Variants in FAT3 observed in about 807,000 individuals in gnomAD.
FAT3 encodes FAT atypical cadherin 3, also known as protocadherin Fat 3.
Under a neutral mutation model 310.2 loss-of-function variants are expected in FAT3, and 95 were observed. The observed-to-expected ratio is 0.31, with a 90% CI of 0.26 to 0.36. The LOEUF (loss-of-function observed/expected upper bound fraction) is 0.36, where lower values mean the gene tolerates loss of function less well. FAT3 is among the 10% of genes least tolerant of loss of function. The pLI is 1.00. For missense variants in FAT3, 5,408 were observed against 5,715.6 expected, an observed-to-expected ratio of 0.95 and a Z score of 1.74; for synonymous variants, 2,314 against 2,192.9, an observed-to-expected ratio of 1.06 and a Z score of -1.54.
intron 3 of FAT3, among the ~76,000 whole-genome samples, chr11:92,669,130 C>T (rs1943049903): frequency 6.6e-6 from 1 of 152,190 alleles, no homozygotes; most frequent in African/African-American, 2.4e-5. Flanking sequence ...TTTCATCTTA[C>T]TTGTGGTTTC....
At chr11:92,716,119 T>A (rs185241472) in intron 4 of FAT3, among the ~76,000 whole-genome samples, 34 of 152,242 alleles carry the variant, frequency 2.2e-4, no homozygotes, top group African/African-American at 7.7e-4. Context: ...AGGAGGCAGA[T>A]CGAGGTGTGA....
chr11:92,621,370 A>C (rs1340251386), intron 3 of FAT3, among the ~76,000 whole-genome samples: 3 of 152,254 alleles, frequency 2.0e-5, no homozygotes, highest in Non-Finnish European at 4.4e-5. Flanking sequence ...TTGCAAAACA[A>C]CTATTTCCAG....
chr11:92,577,031 C>A (rs928777538), intron 3 of FAT3, among the ~76,000 whole-genome samples: 1 of 152,090 alleles, frequency 6.6e-6, no homozygotes, highest in Admixed American at 6.6e-5. Context: ...ATCATTCATT[C>A]ATTCATTCAT....
In FAT3 at chr11:92,890,543, A is replaced by G. The variant is rs2136442822; in HGVS notation, c.13200A>G (p.Ile4400Met). The G allele has an allele frequency of 6.2e-7, 1 of 1,611,436 alleles. No homozygotes were observed. The highest frequency in any genetic ancestry group is 8.5e-7 in the Non-Finnish European group (1 of 1,179,156). The change falls in exon 28 of 28, where the codon ATA becomes ATG. Residue 4400 changes from isoleucine (I) to methionine (M), a missense_variant. By Grantham distance (10) the Ile-to-Met change is conservative (BLOSUM62 1). Coordinates refer to ENST00000525166, the MANE Select transcript of FAT3 (RefSeq NM_001367949.2). The part of the protein sequence containing the change: ...DWMPGARLSD[I>M]EEVPNYENQD... ...TGCCAGGGGCCCGCCTGTCGGACAT[A>G]GAGGAAGTGCCCAACTATGAGAACC...
At chr11:92,281,640 G>A (rs868660138) in intron 1 of FAT3, among the ~76,000 whole-genome samples, 45 of 152,128 alleles carry the variant, frequency 3.0e-4, no homozygotes, top group African/African-American at 1.1e-3. Context: ...TCAGAGCCTA[G>A]CATAGTAACT....
intron 3 of FAT3, among the ~76,000 whole-genome samples, chr11:92,551,434 G>GTGTGTGTGTT (rs1954817396): frequency 1.3e-5 from 2 of 151,298 alleles, no homozygotes. Context: ...GTGTGTGTGT[G>GTGTGTGTGTT]TGTGTGTGTG....
At chr11:92,368,022 TAA>T (rs1949072942) in intron 2 of FAT3, among the ~76,000 whole-genome samples, 1 of 152,210 alleles carries the variant, frequency 6.6e-6, no homozygotes, top group African/African-American at 2.4e-5. Flanking sequence ...CACAGCAACT[TAA>T]AAGTTTGAAA....
At chr11:92,788,158 G>A (rs1946944049) in intron 7 of FAT3, among the ~76,000 whole-genome samples, 1 of 152,080 alleles carries the variant, frequency 6.6e-6, no homozygotes, top group Non-Finnish European at 1.5e-5. Flanking sequence ...AAAATTACTG[G>A]TAGCAATTAT....
At chr11:92,499,484 A>G (rs1952864559) in intron 2 of FAT3, among the ~76,000 whole-genome samples, 1 of 152,048 alleles carries the variant, frequency 6.6e-6, no homozygotes, top group Non-Finnish European at 1.5e-5. Flanking sequence ...TTTAATATCA[A>G]CGGTTTTGAT....
At chr11:92,385,594 C>T (rs1401807181) in intron 2 of FAT3, among the ~76,000 whole-genome samples, 1 of 152,024 alleles carries the variant, frequency 6.6e-6, no homozygotes, top group African/African-American at 2.4e-5. Flanking sequence ...TCTTGAACTC[C>T]TGGCCTGAGG....
At chr11:92,675,724 T>G (rs1012660870) in intron 3 of FAT3, among the ~76,000 whole-genome samples, 2 of 152,212 alleles carry the variant, frequency 1.3e-5, no homozygotes, top group East Asian at 3.8e-4. Flanking sequence ...TTACAAGAAC[T>G]TGGGTCAAAT....
chr11:92,486,247 T>C (rs2135215511), intron 2 of FAT3, among the ~76,000 whole-genome samples: 1 of 150,144 alleles, frequency 6.7e-6, no homozygotes, highest in East Asian at 2.0e-4. Context: ...ATGGATTGGT[T>C]AGTTACTTTA....
chr11:92,458,949 G>A lies in FAT3; in HGVS notation c.3293-65685G>A, dbSNP rs374949937. On this transcript the variant is annotated intron_variant, in intron 2 of 27. Coordinates refer to ENST00000525166, the MANE Select transcript of FAT3 (RefSeq NM_001367949.2). ...TGCACAGGCACTTGATAACTGTTTG[G>A]TAAATTTGAACTTAGGCAAAATTTG... Among the ~76,000 whole-genome samples, 4 of 152,140 alleles carry A rather than the reference G, an allele frequency of 2.6e-5. No homozygotes were observed. In the East Asian group the frequency reaches 7.7e-4, roughly 29 times the overall value.
At chr11:92,581,852 G>T (rs1367673649) in intron 3 of FAT3, among the ~76,000 whole-genome samples, 3 of 151,988 alleles carry the variant, frequency 2.0e-5, no homozygotes, top group Non-Finnish European at 2.9e-5. Context: ...TCCAAATCCA[G>T]ACTCACAGAG....
intron 1 of FAT3, among the ~76,000 whole-genome samples, chr11:92,260,057 T>A (rs1865481649): frequency 6.6e-6 from 1 of 152,156 alleles, no homozygotes; most frequent in Non-Finnish European, 1.5e-5. Context: ...CTGAAGAGCT[T>A]TGTACAGCTG....
At chr11:92,490,157 A>T (rs896008794) in intron 2 of FAT3, among the ~76,000 whole-genome samples, 5 of 152,136 alleles carry the variant, frequency 3.3e-5, no homozygotes, top group Non-Finnish European at 7.4e-5. Context: ...CAAAAGAAAT[A>T]GCTCTTTTTT....
chr11:92,536,645 T>G (rs1296653898), intron 3 of FAT3, among the ~76,000 whole-genome samples: 3 of 152,222 alleles, frequency 2.0e-5, no homozygotes, highest in African/African-American at 7.2e-5. Context: ...ATGTCCACAT[T>G]GTATGATTAA....
chr11:92,849,134 G>T (rs1591811953), intron 19 of FAT3, among the ~76,000 whole-genome samples: 1 of 152,202 alleles, frequency 6.6e-6, no homozygotes, highest in East Asian at 1.9e-4. Flanking sequence ...AACTTGGAAA[G>T]GTCAATTGAC....
At chr11:92,375,899 A>G (rs185162954) in intron 2 of FAT3, among the ~76,000 whole-genome samples, 282 of 152,334 alleles carry the variant, frequency 1.9e-3, no homozygotes, top group African/African-American at 6.4e-3. Flanking sequence ...ATTTTCTTTT[A>G]TCACACATCT....
Sources: gnomAD v4.1 joint callset for allele counts (sites outside exome capture counted in the v4.1 genomes callset) on GRCh38, gnomAD v4.1.1 for gene constraint, MANE v1.5 for transcripts, NCBI Gene and HGNC (gene_info 2026-07-23, HGNC 2026-07-21) for gene names.